KCNIP4: variants seen among roughly 807,000 people sequenced by gnomAD.
KCNIP4 encodes Kv channel-interacting protein 4.
Under a neutral mutation model 34.0 loss-of-function variants are expected in KCNIP4, and 12 were observed. The observed-to-expected ratio is 0.35, with a 90% CI of 0.23 to 0.57. The LOEUF (loss-of-function observed/expected upper bound fraction) is 0.57, where lower values mean the gene tolerates loss of function less well. Among genes scored for constraint, KCNIP4 ranks in the 20% least tolerant of loss-of-function variants. The probability of loss-of-function intolerance (pLI) is 0.83; values close to 1 mark genes in which losing one functional copy is unlikely to be tolerated. For synonymous variants in KCNIP4, 124 were observed against 102.2 expected, an observed-to-expected ratio of 1.21 and a Z score of -1.29; for missense variants, 238 against 311.7, an observed-to-expected ratio of 0.76 and a Z score of 1.78.
At chr4:20,892,490 T>C (rs368776609) in intron 1 of KCNIP4, among the ~76,000 whole-genome samples, 3 of 152,194 alleles carry the variant, frequency 2.0e-5, no homozygotes, top group African/African-American at 7.2e-5. Flanking sequence ...TCTGGCTCAA[T>C]GTCTCTCTCT....
chr4:21,805,707 C>A (rs556049047), intron 1 of KCNIP4, among the ~76,000 whole-genome samples: 2 of 152,180 alleles, frequency 1.3e-5, no homozygotes, highest in South Asian at 4.2e-4. Flanking sequence ...TGAATTTTCC[C>A]CTCTATGGAA....
At chr4:21,482,646 C>A (rs2109836927) in intron 1 of KCNIP4, among the ~76,000 whole-genome samples, 1 of 152,296 alleles carries the variant, frequency 6.6e-6, no homozygotes, top group Non-Finnish European at 1.5e-5. Flanking sequence ...GGCCCCCACT[C>A]TCTTCTGGCT....
intron 1 of KCNIP4, among the ~76,000 whole-genome samples, chr4:21,107,463 T>G (rs1748675428): frequency 6.6e-6 from 1 of 151,346 alleles, no homozygotes; most frequent in Admixed American, 6.5e-5. Context: ...TAGATTTTCC[T>G]CCATCCTTTT....
chr4:21,516,362 T>A (rs923729665), intron 1 of KCNIP4, among the ~76,000 whole-genome samples: 1 of 152,184 alleles, frequency 6.6e-6, no homozygotes, highest in African/African-American at 2.4e-5. Context: ...AACTGTCACA[T>A]GTGCATATCA....
At chr4:21,051,859 T>C (rs1742962082) in intron 1 of KCNIP4, among the ~76,000 whole-genome samples, 1 of 152,122 alleles carries the variant, frequency 6.6e-6, no homozygotes, top group African/African-American at 2.4e-5. Flanking sequence ...CAGCATGAAG[T>C]AAGATTTAGG....
At chr4:21,635,133 C>A (rs2109216735) in intron 1 of KCNIP4, among the ~76,000 whole-genome samples, 1 of 152,178 alleles carries the variant, frequency 6.6e-6, no homozygotes, top group Middle Eastern at 3.4e-3. Context: ...CAAATTGGTA[C>A]CCTGACCCAA....
chr4:20,753,178 A>G (rs1276693216), intron 4 of KCNIP4, among the ~76,000 whole-genome samples: 1 of 152,180 alleles, frequency 6.6e-6, no homozygotes, highest in African/African-American at 2.4e-5. Flanking sequence ...ATTTACATTG[A>G]ACAAAGGTAA....
At chr4:21,478,416 C>T (rs1418996217) in intron 1 of KCNIP4, among the ~76,000 whole-genome samples, 1 of 152,088 alleles carries the variant, frequency 6.6e-6, no homozygotes. Context: ...CCACAAGTAT[C>T]TACAAGGCAG....
intron 1 of KCNIP4, among the ~76,000 whole-genome samples, chr4:21,098,656 A>G (rs940378002): frequency 6.6e-6 from 1 of 152,198 alleles, no homozygotes; most frequent in African/African-American, 2.4e-5. Flanking sequence ...TTTTCAAAAT[A>G]TTACTGCTTA....
intron 1 of KCNIP4, among the ~76,000 whole-genome samples, chr4:21,606,118 T>C (rs1303077990): frequency 6.6e-6 from 1 of 152,102 alleles, no homozygotes; most frequent in African/African-American, 2.4e-5. Flanking sequence ...AAGAATTATA[T>C]TATTTGGAGG....
chr4:21,643,119 TTTTC>T (rs1236405457), intron 1 of KCNIP4, among the ~76,000 whole-genome samples: 1 of 152,086 alleles, frequency 6.6e-6, no homozygotes, highest in Non-Finnish European at 1.5e-5. Context: ...TCATGTGTAT[TTTTC>T]TTTGTTATTT....
chr4:21,669,483 T>C (rs979316711), intron 1 of KCNIP4, among the ~76,000 whole-genome samples: 2 of 152,200 alleles, frequency 1.3e-5, no homozygotes, highest in East Asian at 3.8e-4. Context: ...ATAAAATACA[T>C]GTTAATCAAC....
At chr4:21,439,223 T>C (rs1479707941) in intron 1 of KCNIP4, among the ~76,000 whole-genome samples, 1 of 150,840 alleles carries the variant, frequency 6.6e-6, no homozygotes, top group Admixed American at 6.6e-5. Flanking sequence ...TGTCTGGCCA[T>C]CACCTGCACC....
chr4:21,095,845 C>T (rs896817394), intron 1 of KCNIP4, among the ~76,000 whole-genome samples: 1 of 152,172 alleles, frequency 6.6e-6, no homozygotes, highest in East Asian at 1.9e-4. Flanking sequence ...TACACGTTCA[C>T]ATCTGCTTAG....
At chr4:21,873,729 T>G (rs192175219) in intron 1 of KCNIP4, among the ~76,000 whole-genome samples, 1 of 152,266 alleles carries the variant, frequency 6.6e-6, no homozygotes, top group Non-Finnish European at 1.5e-5. Flanking sequence ...AGCATCCCGG[T>G]TACAAAATAA....
intron 1 of KCNIP4, among the ~76,000 whole-genome samples, chr4:21,073,059 T>C (rs896709076): frequency 2.6e-5 from 4 of 152,214 alleles, no homozygotes. Flanking sequence ...CCTTGTAGTA[T>C]AGTTTGAAGT....
chr4:21,471,272 G>A (rs1035618812), intron 1 of KCNIP4, among the ~76,000 whole-genome samples: 20 of 152,072 alleles, frequency 1.3e-4, no homozygotes, highest in Non-Finnish European at 4.4e-5. Context: ...TCCTTCCTCT[G>A]GAGAAAGCGA....
chr4:21,189,889 ATTCAAAACATGT>A (rs749417193), intron 1 of KCNIP4, among the ~76,000 whole-genome samples: 7 of 152,240 alleles, frequency 4.6e-5, no homozygotes, highest in Non-Finnish European at 1.0e-4. Context: ...TCTAATGAGG[ATTCAAAACATGT>A]TCATCATCAA....
chr4:21,271,991 A>G (rs534121095), intron 1 of KCNIP4, among the ~76,000 whole-genome samples: 1 of 152,190 alleles, frequency 6.6e-6, no homozygotes, highest in Non-Finnish European at 1.5e-5. Flanking sequence ...AAAAATTGTC[A>G]TTACTTAGAA....
Sources: gnomAD v4.1 joint callset for allele counts (sites outside exome capture counted in the v4.1 genomes callset) on GRCh38, gnomAD v4.1.1 for gene constraint, MANE v1.5 for transcripts, NCBI Gene and HGNC (gene_info 2026-07-23, HGNC 2026-07-21) for gene names.